AHNAK: variants seen among roughly 807,000 people sequenced by gnomAD.
AHNAK encodes the protein neuroblast differentiation-associated protein AHNAK.
In AHNAK, 23 loss-of-function variants were observed where a neutral mutation model predicts 37.8. The observed-to-expected ratio is 0.61, with a 90% CI of 0.44 to 0.86. The LOEUF (loss-of-function observed/expected upper bound fraction) is 0.86. Among genes scored for constraint, AHNAK ranks in the 40% least tolerant of loss-of-function variants. AHNAK has a pLI of 0.00. For synonymous variants in AHNAK, 2,481 were observed against 2,636.3 expected (o/e 0.94, Z 1.80); for missense variants, 7,411 against 7,319.4 (o/e 1.01, Z -0.46).
Position 62,519,481 on chromosome 11 carries a change from T to C in AHNAK, c.14936A>G (p.Lys4979Arg), listed in dbSNP as rs2134196309. The C allele has an allele frequency of 6.2e-7, 1 of 1,613,268 alleles. No homozygotes were observed. The highest frequency in any genetic ancestry group is 2.2e-5 in the East Asian group (1 of 44,872). ...DVKIPKFKKP[K>R]FGFGAKSPKA... ...GGGGCTTTTTGCCCCAAATCCAAAC[T>C]TGGGTTTCTTAAATTTGGGGATTTT... Residue 4979 changes from lysine to arginine, a missense_variant, in exon 5 of 5, where the codon AAG becomes AGG. Coordinates refer to ENST00000378024, the MANE Select transcript of AHNAK (RefSeq NM_001620.3).
chr11:62,484,054 AAAG>A (rs1703114502), intron 5 of AHNAK, among the ~76,000 whole-genome samples: 3 of 150,638 alleles, frequency 2.0e-5, no homozygotes, highest in Non-Finnish European at 4.4e-5. Flanking sequence ...AAAAAAAAAA[AAAG>A]AAAGGGCATG....
At chr11:62,433,592 G>C (rs550084821) in exon 6 of AHNAK, 48 of 513,084 alleles carry the variant, frequency 9.4e-5, no homozygotes, top group African/African-American at 8.6e-4. Context: ...ATAATCACCT[G>C]AGCACCATAG....
At position 62,526,039 on chromosome 11, in the gene AHNAK, G is replaced by A; in HGVS notation, c.8378C>T (p.Ala2793Val). Residue 2793 changes from alanine (A) to valine (V), a missense_variant, in exon 5 of 5, where the codon GCT (alanine) becomes GTT (valine). Coordinates refer to ENST00000378024, the MANE Select transcript of AHNAK (RefSeq NM_001620.3). ...GPDVDVNLPK[A>V]DIDVSGPKVD... ...TTTCGGTCCTGAGACATCAATGTCAGCCTTGGGCAGGTTCACGTCCACATC... is the reference window on the plus strand; with the variant it reads ...TTTCGGTCCTGAGACATCAATGTCAACCTTGGGCAGGTTCACGTCCACATC... The A allele has an allele frequency of 6.2e-7, 1 of 1,613,820 alleles. No individual in the cohort carries two copies. The highest frequency in any genetic ancestry group is 1.7e-4 in the Middle Eastern group (1 of 6,060).
intron 1 of AHNAK, among the ~76,000 whole-genome samples, chr11:62,545,040 A>G (rs1048013609): frequency 4.4e-4 from 67 of 152,202 alleles, no homozygotes; most frequent in African/African-American, 1.5e-3. Context: ...TGCTGGAGAC[A>G]CAGAGGTAGA....
rs1940397674 is a variant in AHNAK, at chr11:62,524,547, C to T, written c.9870G>A (p.Met3290Ile). The change falls in exon 5 of 5, where the codon ATG (methionine) becomes ATA (isoleucine). Residue 3290 changes from methionine to isoleucine, a missense_variant. Met to Ile is a conservative substitution (Grantham distance 10). Coordinates refer to ENST00000378024, the MANE Select transcript of AHNAK (RefSeq NM_001620.3). ...KLKMPDMHVN[M>I]PKISMPEIDL... ...CAATTTCTGGCATGGAGATCTTGGG[C>T]ATGTTTACATGCATGTCAGGCATCT... The T allele has an allele frequency of 6.2e-7, 1 of 1,613,890 alleles. No homozygotes were observed. Among genetic ancestry groups the T allele is most frequent in the South Asian group, 1.1e-5 (1 of 91,012 alleles).
rs952674148 is a variant in AHNAK at position 62,523,377 on chromosome 11, C to G, written c.11040G>C (p.Leu3680Phe). 3.1e-6 allele frequency: 5 copies of G among 1,612,992 alleles called. No individual in the cohort carries two copies. Among genetic ancestry groups the G allele is most frequent in the Non-Finnish European group, 4.2e-6 (5 of 1,179,640 alleles). Residue 3680 changes from leucine (L) to phenylalanine (F), a missense_variant, in exon 5 of 5, where the codon TTG becomes TTC. Transcript: ENST00000378024. ...CATCACCCTTCATTTTGGGTCCCTT[C>G]AAGTTCAGGTCAAAGTCAGGCATGG... ...KISMPDFDLN[L>F]KGPKMKGDVV...
At position 62,529,365 on chromosome 11, in the gene AHNAK, C is replaced by T; in HGVS notation, c.5052G>A (p.Val1684=). 1.2e-6 allele frequency: 2 copies of T among 1,613,962 alleles called. No homozygotes were observed. Among genetic ancestry groups the T allele is most frequent in the Non-Finnish European group, 8.5e-7 (1 of 1,179,968 alleles). Reference sequence around the variant, plus strand: ...TGGGCCCTTTAATGTCAACATCTGGCACTTTCATTTCACCTTCTACCTTGG... The same window carrying T: ...TGGGCCCTTTAATGTCAACATCTGGTACTTTCATTTCACCTTCTACCTTGG... ...SVPKVEGEMK[V]PDVDIKGPKV... The change falls in exon 5 of 5, where the codon GTG becomes GTA. Residue 1684 remains valine, a synonymous_variant. Transcript: ENST00000378024.
At chr11:62,538,499 G>T (rs1268145663) in intron 1 of AHNAK, among the ~76,000 whole-genome samples, 1 of 152,232 alleles carries the variant, frequency 6.6e-6, no homozygotes, top group Non-Finnish European at 1.5e-5. Context: ...TATAAGTCAT[G>T]GGGAACCTAA....
chr11:62,484,407 A>G (rs1158224573), intron 5 of AHNAK, among the ~76,000 whole-genome samples: 1 of 152,126 alleles, frequency 6.6e-6, no homozygotes, highest in African/African-American at 2.4e-5. Flanking sequence ...ATAAATAAAT[A>G]ACAAGAGAGA....
At chr11:62,514,993 G>A (rs889541663), downstream of AHNAK, among the ~76,000 whole-genome samples, 1 of 152,182 alleles carries the variant, frequency 6.6e-6, no homozygotes, top group Non-Finnish European at 1.5e-5. Flanking sequence ...TGGCAGAAAT[G>A]GGGCATCTCT....
At chr11:62,475,538 T>C (rs1939125084) in intron 5 of AHNAK, among the ~76,000 whole-genome samples, 1 of 152,046 alleles carries the variant, frequency 6.6e-6, no homozygotes, top group South Asian at 2.1e-4. Context: ...AACTGCACTT[T>C]TGCATTGTTG....
intron 1 of AHNAK, among the ~76,000 whole-genome samples, chr11:62,536,985 C>T (rs1291311411): frequency 2.0e-5 from 3 of 150,488 alleles, no homozygotes; most frequent in Admixed American, 6.6e-5. Context: ...GACAGAGTCT[C>T]GTTCTGTTGC....
intron 5 of AHNAK, among the ~76,000 whole-genome samples, chr11:62,473,546 G>C (rs939545573): frequency 1.3e-5 from 2 of 151,994 alleles, no homozygotes; most frequent in African/African-American, 4.8e-5. Context: ...TTAGTCGGGC[G>C]TGGTGGCAGG....
At position 62,448,852 on chromosome 11, in the gene AHNAK, A is replaced by G. The variant is rs542941450; in HGVS notation, c.443-14961T>C. Among the ~76,000 whole-genome samples the G allele has an allele frequency of 9.2e-5, 14 of 152,206 alleles. No individual in the cohort carries two copies. In the South Asian group the frequency reaches 2.7e-3, roughly 29 times the overall value. Reference sequence around the variant, plus strand: ...TGGGAGGCCGAGGTGGGCGGATCACAAGGTCAGGAGATAGAGACCATCCTG... The same window carrying G: ...TGGGAGGCCGAGGTGGGCGGATCACGAGGTCAGGAGATAGAGACCATCCTG... On this transcript the variant is annotated intron_variant, in intron 5 of 5. Transcript: ENST00000257247.
At chr11:62,483,170 A>G (rs1939311319) in intron 5 of AHNAK, among the ~76,000 whole-genome samples, 1 of 152,204 alleles carries the variant, frequency 6.6e-6, no homozygotes, top group Non-Finnish European at 1.5e-5. Flanking sequence ...CCAGGGCCCA[A>G]GGGACGCTAC....
chr11:62,515,670 T>G (rs1437646091), downstream of AHNAK, among the ~76,000 whole-genome samples: 1 of 152,192 alleles, frequency 6.6e-6, no homozygotes, highest in East Asian at 1.9e-4. Flanking sequence ...AGTAGGTGAG[T>G]GGGTCCCGAG....
At chr11:62,534,101 T>C (rs1940867533) in intron 4 of AHNAK, 27 bp from the exon 5 acceptor site, 3 of 1,517,776 alleles carry the variant, frequency 2.0e-6, no homozygotes, top group Admixed American at 4.3e-5. Flanking sequence ...CGGGCAGAGG[T>C]TGCAGCAGAG....
rs1940812161 is a variant in AHNAK at position 62,532,871 on chromosome 11, C to T, written c.1546G>A (p.Gly516Arg). The change falls in exon 5 of 5, where the codon GGA becomes AGA. Residue 516 changes from glycine (G) to arginine (R), a missense_variant. By Grantham distance (125) the Gly-to-Arg change is moderately radical. Transcript: ENST00000378024. ...CCAGGAGCAGAAACCTTAATATCTCCTTTCAGTTTAGGAGACCCAAGGCTC... is the reference window on the plus strand; with the variant it reads ...CCAGGAGCAGAAACCTTAATATCTCTTTTCAGTTTAGGAGACCCAAGGCTC... ...DLSLGSPKLK[G>R]DIKVSAPGVQ... is the part of the protein sequence containing the mutation. The T allele has an allele frequency of 6.2e-7, 1 of 1,614,102 alleles. No individual in the cohort carries two copies. The highest frequency in any genetic ancestry group is 1.1e-5 in the South Asian group (1 of 91,076).
rs184422767 is a variant in AHNAK at position 62,518,536 on chromosome 11, A to G, written c.15881T>C (p.Met5294Thr). ...AAGGTCAGGCCCAGAGACTTTTGGC[A>G]TAGAGAGGTTCACTGAAGGCAAGTC... ...GVDLPSVNLS[M>T]PKVSGPDLDL... The change falls in exon 5 of 5, where the codon ATG (methionine) becomes ACG (threonine). Residue 5294 changes from methionine (M) to threonine (T), a missense_variant. Transcript: ENST00000378024. 2 of 1,614,154 alleles carry G rather than the reference A, an allele frequency of 1.2e-6. No individual in the cohort carries two copies. Among genetic ancestry groups the G allele is most frequent in the East Asian group, 4.5e-5 (2 of 44,868 alleles).
Sources: allele counts gnomAD v4.1 joint callset (sites outside exome capture counted in the v4.1 genomes callset), GRCh38; gene constraint gnomAD v4.1.1; transcripts MANE v1.5; gene names NCBI Gene and HGNC (gene_info 2026-07-23, HGNC 2026-07-21).